Variants in ADARB2 observed in about 807,000 individuals in gnomAD.
ADARB2 encodes the protein inactive double-stranded RNA-specific editase B2.
Under a neutral mutation model 62.2 loss-of-function variants are expected in ADARB2, and 25 were observed. The observed-to-expected ratio is 0.40, with a 90% CI of 0.29 to 0.56. The LOEUF (loss-of-function observed/expected upper bound fraction) is 0.56. Ranked by LOEUF, ADARB2 falls within the 20% of genes least tolerant of loss-of-function variation. The pLI, the probability that ADARB2 is intolerant of heterozygous loss-of-function variation, is 0.43. For missense variants in ADARB2, 1,071 were observed against 1,077.4 expected, an observed-to-expected ratio of 0.99 and a Z score of 0.08; for synonymous variants, 572 against 500.8, an observed-to-expected ratio of 1.14 and a Z score of -1.90.
intron 1 of ADARB2, among the ~76,000 whole-genome samples, chr10:1,504,113 C>T (rs1831803470): frequency 1.3e-5 from 2 of 152,198 alleles, no homozygotes; most frequent in Non-Finnish European, 2.9e-5. Context: ...ATGGAAGTGG[C>T]ATGTTCAGTG....
At chr10:1,550,179 C>G (rs568531770) in intron 1 of ADARB2, among the ~76,000 whole-genome samples, 1 of 152,154 alleles carries the variant, frequency 6.6e-6, no homozygotes, top group African/African-American at 2.4e-5. Context: ...GCAGGCTGCC[C>G]GGCCACCTGC....
chr10:1,403,376 C>T (rs1426410077), intron 1 of ADARB2, among the ~76,000 whole-genome samples: 1 of 152,188 alleles, frequency 6.6e-6, no homozygotes, highest in Non-Finnish European at 1.5e-5. Context: ...CTATCTGGGT[C>T]GTCACTCACA....
At chr10:1,195,385 C>T (rs1352281038) in intron 8 of ADARB2, among the ~76,000 whole-genome samples, 3 of 137,300 alleles carry the variant, frequency 2.2e-5, no homozygotes, top group African/African-American at 5.7e-5. Flanking sequence ...CAATGCTGTA[C>T]ACAGTTTTTT....
chr10:1,505,673 C>T (rs896116162), intron 1 of ADARB2, among the ~76,000 whole-genome samples: 16 of 114,284 alleles, frequency 1.4e-4, no homozygotes, highest in African/African-American at 3.3e-4. Flanking sequence ...TCCCCATGCC[C>T]GTGGTTCTGC....
At chr10:1,448,141 G>T (rs994460557) in intron 1 of ADARB2, among the ~76,000 whole-genome samples, 2 of 152,138 alleles carry the variant, frequency 1.3e-5, no homozygotes, top group African/African-American at 4.8e-5. Flanking sequence ...TTATATCCTT[G>T]GTGGTGTTTG....
At chr10:1,464,469 TC>T (rs1831223496) in intron 1 of ADARB2, among the ~76,000 whole-genome samples, 1 of 89,864 alleles carries the variant, frequency 1.1e-5, no homozygotes, top group Non-Finnish European at 2.3e-5. Context: ...GGACACACAC[TC>T]CCCCACACAC....
chr10:1,596,387 C>T (rs1228984777), intron 1 of ADARB2, among the ~76,000 whole-genome samples: 1 of 152,156 alleles, frequency 6.6e-6, no homozygotes, highest in African/African-American at 2.4e-5. Flanking sequence ...CTTTTGGCCT[C>T]CCTGTAAGCA....
intron 1 of ADARB2, among the ~76,000 whole-genome samples, chr10:1,625,795 C>T (rs968289307): frequency 2.0e-5 from 3 of 148,594 alleles, no homozygotes; most frequent in Admixed American, 6.7e-5. Context: ...TCACCCTTCT[C>T]CTGCTGAGCT....
At chr10:1,436,074 T>C (rs993309713) in intron 1 of ADARB2, among the ~76,000 whole-genome samples, 2 of 152,152 alleles carry the variant, frequency 1.3e-5, no homozygotes, top group African/African-American at 4.8e-5. Context: ...TCACCTTTTG[T>C]AATATAACTT....
chr10:1,649,515 A>C (rs1173643426), intron 1 of ADARB2, among the ~76,000 whole-genome samples: 1 of 152,184 alleles, frequency 6.6e-6, no homozygotes, highest in African/African-American at 2.4e-5. Context: ...ACCTGTGTCC[A>C]CTTTTCTGTT....
chr10:1,736,072 C>T (rs1835296444), intron 1 of ADARB2, among the ~76,000 whole-genome samples: 1 of 152,138 alleles, frequency 6.6e-6, no homozygotes, highest in Non-Finnish European at 1.5e-5. Flanking sequence ...GTTCTTTATA[C>T]TTCTACCTCA....
chr10:1,475,168 GC>G (rs962066133), intron 1 of ADARB2, among the ~76,000 whole-genome samples: 1 of 152,084 alleles, frequency 6.6e-6, no homozygotes, highest in African/African-American at 2.4e-5. Context: ...GCACTCAGGA[GC>G]CCCCCCGGGG....
At chr10:1,585,758 GGT>G (rs1833167112) in intron 1 of ADARB2, among the ~76,000 whole-genome samples, 1 of 152,166 alleles carries the variant, frequency 6.6e-6, no homozygotes, top group Non-Finnish European at 1.5e-5. Context: ...ACTGTGTCTG[GGT>G]GCGGTGTCTC....
chr10:1,284,239 C>T (rs533184099), intron 3 of ADARB2, among the ~76,000 whole-genome samples: 1 of 152,158 alleles, frequency 6.6e-6, no homozygotes, highest in Non-Finnish European at 1.5e-5. Flanking sequence ...TTGAGGGACC[C>T]TGACCGGCAG....
rs1396650497 is a variant in ADARB2, at chr10:1,597,297, AT to A, written c.100+139753del. The stretch of plus-strand genomic sequence containing the variant: ...TATTTAGGTGACTATGATTTTTATC[AT>A]CTTTAAGGCAATTCCCAATTGACAG... On this transcript the variant is annotated intron_variant, in intron 1 of 9. Transcript: ENST00000381312. Among the ~76,000 whole-genome samples, 7 of 152,324 alleles carry A rather than the reference AT, an allele frequency of 4.6e-5. No homozygotes were observed. In the South Asian group the frequency reaches 1.5e-3, roughly 32 times the overall value.
chr10:1,443,332 G>T (rs1475608433), intron 1 of ADARB2, among the ~76,000 whole-genome samples: 2 of 152,244 alleles, frequency 1.3e-5, no homozygotes, highest in East Asian at 3.9e-4. Context: ...TGCCATTTAT[G>T]CTCCCTCAAA....
intron 3 of ADARB2, among the ~76,000 whole-genome samples, chr10:1,311,092 A>G (rs1269305849): frequency 5.3e-5 from 8 of 152,146 alleles, no homozygotes; most frequent in Non-Finnish European, 8.8e-5. Flanking sequence ...GTGAAGACCA[A>G]TGCTCATGGG....
chr10:1,351,650 C>T (rs973572656), intron 3 of ADARB2, among the ~76,000 whole-genome samples: 1 of 152,086 alleles, frequency 6.6e-6, no homozygotes, highest in Non-Finnish European at 1.5e-5. Context: ...CTACTCCCTC[C>T]TTAGTGACCG....
intron 3 of ADARB2, chr10:1,361,479 A>G (rs1472422476): frequency 6.6e-6 from 1 of 152,130 alleles, no homozygotes; most frequent in African/African-American, 2.4e-5. Context: ...TGTGGTCTAA[A>G]TGCCTCTAAC....
Sources: gnomAD v4.1 joint callset for allele counts (sites outside exome capture counted in the v4.1 genomes callset) on GRCh38, gnomAD v4.1.1 for gene constraint, MANE v1.5 for transcripts, NCBI Gene and HGNC (gene_info 2026-07-23, HGNC 2026-07-21) for gene names.